RNLS: variants seen among roughly 807,000 people sequenced by gnomAD.
The protein encoded by RNLS is renalase, FAD dependent amine oxidase.
In RNLS, 39 loss-of-function variants were observed where a neutral mutation model predicts 39.8. The observed-to-expected ratio is 0.98, with a 90% CI of 0.76 to 1.28. The LOEUF is 1.28. RNLS is among the 50% of genes most tolerant of loss of function. The pLI is 0.00. For synonymous variants in RNLS, 147 were observed against 150.7 expected (o/e 0.98, Z 0.18); for missense variants, 410 against 413.3 (o/e 0.99, Z 0.07).
intron 4 of RNLS, among the ~76,000 whole-genome samples, chr10:88,408,255 T>G (rs1853412316): frequency 6.6e-6 from 1 of 152,118 alleles, no homozygotes; most frequent in Non-Finnish European, 1.5e-5. Context: ...CTTTTTTTGT[T>G]TCCTCTATAA....
chr10:88,491,649 C>G (rs184025633), intron 4 of RNLS, among the ~76,000 whole-genome samples: 2 of 152,290 alleles, frequency 1.3e-5, no homozygotes. Context: ...TATTTCAAAA[C>G]TGTATTAAAT....
intron 4 of RNLS, among the ~76,000 whole-genome samples, chr10:88,449,488 T>A (rs1447906185): frequency 6.6e-6 from 1 of 152,204 alleles, no homozygotes; most frequent in Non-Finnish European, 1.5e-5. Flanking sequence ...CTCCTCTGAG[T>A]TATCTTGGTT....
chr10:88,188,021 A>G, the RNLS span, among the ~76,000 whole-genome samples: 2 of 152,160 alleles, frequency 1.3e-5, no homozygotes, highest in Admixed American at 6.5e-5. Flanking sequence ...TATTTGACAC[A>G]TGCCATGTCC....
intron 5 of RNLS, among the ~76,000 whole-genome samples, chr10:88,355,835 C>T (rs1425512717): frequency 6.6e-6 from 1 of 152,224 alleles, no homozygotes; most frequent in Non-Finnish European, 1.5e-5. Flanking sequence ...GCAGGCAGGC[C>T]TCCTTGAGCT....
intron 4 of RNLS, among the ~76,000 whole-genome samples, chr10:88,520,182 C>T (rs1463778418): frequency 1.3e-5 from 2 of 151,924 alleles, no homozygotes; most frequent in Non-Finnish European, 2.9e-5. Flanking sequence ...GTGAGAAGTT[C>T]TTTGTTTTTC....
intron 4 of RNLS, among the ~76,000 whole-genome samples, chr10:88,416,599 T>G (rs1854044975): frequency 6.6e-6 from 1 of 152,206 alleles, no homozygotes; most frequent in Non-Finnish European, 1.5e-5. Flanking sequence ...TTTTGAGGAC[T>G]TTCATTATTT....
In RNLS at chr10:88,581,647, A is replaced by G; in HGVS notation, c.287T>C (p.Met96Thr). ...LRPLSSPIEG[M>T]VMKEGDCNFV... is the part of the protein sequence containing the mutation. ...GTTACAGTCTCCTTCTTTCATCACC[A>G]TTCCTTCAATAGGCGAGCTTAGAGG... The change falls in exon 3 of 7, where the codon ATG becomes ACG. Residue 96 changes from methionine (M) to threonine (T), a missense_variant. Coordinates refer to ENST00000331772, the MANE Select transcript of RNLS (RefSeq NM_001031709.3). 1.9e-6 allele frequency: 3 copies of G among 1,604,398 alleles called. No homozygotes were observed. The highest frequency in any genetic ancestry group is 2.6e-6 in the Non-Finnish European group (3 of 1,175,292).
the RNLS span, among the ~76,000 whole-genome samples, chr10:88,208,997 T>C: frequency 6.6e-6 from 1 of 152,090 alleles, no homozygotes; most frequent in Admixed American, 6.6e-5. Flanking sequence ...ATACACAGAA[T>C]CAGATATGAT....
intron 4 of RNLS, among the ~76,000 whole-genome samples, chr10:88,488,614 A>C (rs1437729635): frequency 2.0e-5 from 3 of 152,016 alleles, no homozygotes; most frequent in Non-Finnish European, 4.4e-5. Context: ...TGTAAAGAAC[A>C]ATATATAAAT....
At chr10:88,568,456 T>G (rs1849642087) in intron 4 of RNLS, among the ~76,000 whole-genome samples, 1 of 152,084 alleles carries the variant, frequency 6.6e-6, no homozygotes, top group Non-Finnish European at 1.5e-5. Context: ...ATTGTACATT[T>G]TAGATAGGTG....
chr10:88,384,817 A>G (rs1026413533), intron 4 of RNLS, among the ~76,000 whole-genome samples: 1 of 152,218 alleles, frequency 6.6e-6, no homozygotes, highest in Non-Finnish European at 1.5e-5. Flanking sequence ...GTTAAGGAAA[A>G]GAACCTAATG....
At chr10:88,363,552 T>G (rs960149100) in intron 4 of RNLS, among the ~76,000 whole-genome samples, 1 of 152,134 alleles carries the variant, frequency 6.6e-6, no homozygotes, top group Non-Finnish European at 1.5e-5. Context: ...TCCCTCTACT[T>G]AAGCAGAGGG....
intron 5 of RNLS, among the ~76,000 whole-genome samples, chr10:88,316,715 G>C (rs551302581): frequency 6.6e-6 from 1 of 152,252 alleles, no homozygotes; most frequent in Admixed American, 6.5e-5. Context: ...ACTCCACGGA[G>C]AGCAATAAAA....
At chr10:88,533,138 A>G (rs1273630987) in intron 4 of RNLS, among the ~76,000 whole-genome samples, 1 of 152,128 alleles carries the variant, frequency 6.6e-6, no homozygotes, top group Admixed American at 6.6e-5. Flanking sequence ...TTATAAGTAA[A>G]TAAACATGTT....
At chr10:88,558,279 A>T (rs1274434966) in intron 4 of RNLS, among the ~76,000 whole-genome samples, 1 of 152,182 alleles carries the variant, frequency 6.6e-6, no homozygotes, top group Non-Finnish European at 1.5e-5. Flanking sequence ...AGAGAGCCTT[A>T]AGCAAGTTAA....
chr10:88,183,090 G>A, the RNLS span, among the ~76,000 whole-genome samples: 1 of 152,086 alleles, frequency 6.6e-6, no homozygotes, highest in South Asian at 2.1e-4. Context: ...CACAGATTTG[G>A]GGTTCAGTGA....
At chr10:88,415,138 T>C (rs1281410238) in intron 4 of RNLS, among the ~76,000 whole-genome samples, 2 of 152,180 alleles carry the variant, frequency 1.3e-5, no homozygotes, top group African/African-American at 4.8e-5. Context: ...AAAGATTCAC[T>C]GAGGATCAGG....
intron 4 of RNLS, among the ~76,000 whole-genome samples, chr10:88,434,532 T>G (rs1855341565): frequency 6.6e-6 from 1 of 152,172 alleles, no homozygotes; most frequent in African/African-American, 2.4e-5. Context: ...AAATGTGAGT[T>G]TCTGAGCTAG....
chr10:88,539,126 C>A (rs552185333), intron 4 of RNLS, among the ~76,000 whole-genome samples: 1 of 152,136 alleles, frequency 6.6e-6, no homozygotes, highest in South Asian at 2.1e-4. Context: ...CAAATTCAGG[C>A]AATTTTAGAG....
Sources: gnomAD v4.1 joint callset for allele counts (sites outside exome capture counted in the v4.1 genomes callset) on GRCh38, gnomAD v4.1.1 for gene constraint, MANE v1.5 for transcripts, NCBI Gene and HGNC (gene_info 2026-07-23, HGNC 2026-07-21) for gene names.